EPB41L4A: variants seen among roughly 807,000 people sequenced by gnomAD.
The protein encoded by EPB41L4A is band 4.1-like protein 4A.
A neutral mutation model predicts 108.6 loss-of-function variants in EPB41L4A; 100 were observed. That is an observed-to-expected ratio of 0.92 (90% CI 0.78 to 1.09). The LOEUF is 1.09. EPB41L4A is among the 50% of genes least tolerant of loss of function. The pLI is 0.00. For synonymous variants in EPB41L4A, 319 were observed against 289.0 expected (o/e 1.10, Z -1.05); for missense variants, 1,030 against 842.7 (o/e 1.22, Z -2.75).
intron 1 of EPB41L4A, among the ~76,000 whole-genome samples, chr5:112,413,098 G>A (rs969447553): frequency 1.2e-4 from 18 of 152,198 alleles, no homozygotes; most frequent in African/African-American, 4.1e-4. Context: ...AGGAAGAAAA[G>A]TCACTAAAGT....
chr5:112,341,843 G>T (rs922663764), intron 1 of EPB41L4A, among the ~76,000 whole-genome samples: 1 of 151,938 alleles, frequency 6.6e-6, no homozygotes, highest in Non-Finnish European at 1.5e-5. Flanking sequence ...TCTAAACATA[G>T]AGCCCTGTAT....
At chr5:112,200,932 T>C (rs1302712398) in intron 15 of EPB41L4A, among the ~76,000 whole-genome samples, 1 of 152,186 alleles carries the variant, frequency 6.6e-6, no homozygotes, top group Admixed American at 6.5e-5. Flanking sequence ...TATTGCAAAG[T>C]GTATTATCCT....
chr5:112,142,142 C>A (rs1759093104), downstream of EPB41L4A, among the ~76,000 whole-genome samples: 1 of 152,162 alleles, frequency 6.6e-6, no homozygotes. Flanking sequence ...GGGATATGCA[C>A]AGAGCCTTAT....
At chr5:112,176,997 G>T (rs368711723) in intron 18 of EPB41L4A, among the ~76,000 whole-genome samples, 1 of 151,880 alleles carries the variant, frequency 6.6e-6, no homozygotes, top group Non-Finnish European at 1.5e-5. Context: ...TCAGGTGATC[G>T]GCCTGCCTTG....
intron 9 of EPB41L4A, among the ~76,000 whole-genome samples, chr5:112,242,638 A>G (rs1749876690): frequency 6.6e-6 from 1 of 152,232 alleles, no homozygotes. Flanking sequence ...AATATTTTCC[A>G]GAAGTTTTTC....
rs941206981 is a variant in EPB41L4A, at chr5:112,265,007, C to G, written c.443G>C (p.Gly148Ala). Reference sequence around the variant, plus strand: ...AGTATGTTTATATGGGTCATAATCTCCAAGCTCCGCTAAAAAAGAAAGATA... The same window carrying G: ...AGTATGTTTATATGGGTCATAATCTGCAAGCTCCGCTAAAAAAGAAAGATA... ...LGAYAIQSEL[G>A]DYDPYKHTAG... The change falls in exon 6 of 23, where the codon GGA (glycine) becomes GCA (alanine). Residue 148 changes from glycine (G) to alanine (A), a missense_variant. Coordinates refer to ENST00000261486, the MANE Select transcript of EPB41L4A (RefSeq NM_022140.5). 6.4e-7 allele frequency: 1 copy of G among 1,573,554 alleles called. No homozygotes were observed. The highest frequency in any genetic ancestry group is 8.6e-7 in the Non-Finnish European group (1 of 1,164,346).
At chr5:112,400,691 G>A (rs976724443) in intron 1 of EPB41L4A, among the ~76,000 whole-genome samples, 1 of 152,100 alleles carries the variant, frequency 6.6e-6, no homozygotes, top group African/African-American at 2.4e-5. Context: ...CCAGTGTTGG[G>A]GAGTACAATT....
intron 1 of EPB41L4A, among the ~76,000 whole-genome samples, chr5:112,411,060 G>T (rs1410538173): frequency 6.6e-6 from 1 of 152,114 alleles, no homozygotes; most frequent in Non-Finnish European, 1.5e-5. Context: ...AGTTTGCAAT[G>T]GTATCTCCAT....
intron 12 of EPB41L4A, among the ~76,000 whole-genome samples, chr5:112,215,759 T>A (rs1188731410): frequency 9.9e-5 from 4 of 40,248 alleles, no homozygotes; most frequent in South Asian, 1.4e-3. Context: ...TGAGACTCCA[T>A]CTCAAAAAAA....
chr5:112,257,820 ATTAT>A (rs919294439), intron 9 of EPB41L4A, among the ~76,000 whole-genome samples: 3 of 152,328 alleles, frequency 2.0e-5, no homozygotes, highest in African/African-American at 7.2e-5. Context: ...TACTCCTTGC[ATTAT>A]TATTATTTAG....
At chr5:112,170,697 G>A (rs1760526794) in intron 19 of EPB41L4A, among the ~76,000 whole-genome samples, 1 of 152,016 alleles carries the variant, frequency 6.6e-6, no homozygotes, top group African/African-American at 2.4e-5. Context: ...TAAACTATTG[G>A]CCTGTCTGAG....
chr5:112,309,131 A>T (rs753527376), intron 1 of EPB41L4A, among the ~76,000 whole-genome samples: 2 of 152,108 alleles, frequency 1.3e-5, no homozygotes, highest in Non-Finnish European at 2.9e-5. Context: ...TAAGGGCCCA[A>T]CTTTGCTTCC....
intron 9 of EPB41L4A, among the ~76,000 whole-genome samples, chr5:112,255,558 T>C (rs1467816783): frequency 6.6e-6 from 1 of 152,292 alleles, no homozygotes; most frequent in East Asian, 1.9e-4. Flanking sequence ...CAGCATCATC[T>C]GACACATGCT....
At chr5:112,418,228 C>T (rs1416892084) in intron 1 of EPB41L4A, among the ~76,000 whole-genome samples, 1 of 152,230 alleles carries the variant, frequency 6.6e-6, no homozygotes, top group Admixed American at 6.5e-5. Flanking sequence ...GTCAGGTTGT[C>T]ACTACAAACA....
chr5:112,285,223 T>C (rs1267720178), intron 2 of EPB41L4A, among the ~76,000 whole-genome samples: 2 of 152,102 alleles, frequency 1.3e-5, no homozygotes, highest in Admixed American at 6.5e-5. Flanking sequence ...GTAGGCCAAA[T>C]AAAAGGACTT....
intron 1 of EPB41L4A, among the ~76,000 whole-genome samples, chr5:112,389,991 T>G (rs1169296410): frequency 1.3e-5 from 2 of 152,134 alleles, no homozygotes; most frequent in East Asian, 1.9e-4. Flanking sequence ...TTCCAAAAAC[T>G]AAGCTCTAGT....
In EPB41L4A at chr5:112,336,437, G is replaced by A. The variant is rs909742276; in HGVS notation, c.100-28947C>T. 1.6e-4 allele frequency among the ~76,000 whole-genome samples: 25 copies of A among 152,150 alleles called. 1 individual carries two copies. Among genetic ancestry groups the A allele is most frequent in the Admixed American group, 1.3e-3 (20 of 15,268 alleles). On this transcript the variant is annotated intron_variant, in intron 1 of 22. Transcript: ENST00000261486. ...TGGCATTATTCTTTCCTGTGTTCCAGAAGGCAGATTTCCTCATCCCGCCAA... is the reference window on the plus strand; with the variant it reads ...TGGCATTATTCTTTCCTGTGTTCCAAAAGGCAGATTTCCTCATCCCGCCAA...
At chr5:112,212,383 C>T (rs1235804844) in intron 12 of EPB41L4A, among the ~76,000 whole-genome samples, 1 of 151,620 alleles carries the variant, frequency 6.6e-6, no homozygotes, top group East Asian at 1.9e-4. Flanking sequence ...ACCTCTGCCT[C>T]CTCGGTTCAA....
chr5:112,207,659 A>G (rs1580433367), intron 13 of EPB41L4A, among the ~76,000 whole-genome samples: 1 of 152,222 alleles, frequency 6.6e-6, no homozygotes, highest in South Asian at 2.1e-4. Flanking sequence ...GCAACCAACA[A>G]ATACATGAAA....
Sources: gnomAD v4.1 joint callset for allele counts (sites outside exome capture counted in the v4.1 genomes callset) on GRCh38, gnomAD v4.1.1 for gene constraint, MANE v1.5 for transcripts, NCBI Gene and HGNC (gene_info 2026-07-23, HGNC 2026-07-21) for gene names.